Variants in CNGA1 observed in about 807,000 individuals in gnomAD.
The protein encoded by CNGA1 is cyclic nucleotide gated channel subunit alpha 1, also known as cyclic nucleotide-gated channel alpha-1.
Under a neutral mutation model 69.7 loss-of-function variants are expected in CNGA1, and 53 were observed. The observed-to-expected ratio is 0.76, with a 90% CI of 0.61 to 0.96. The LOEUF (loss-of-function observed/expected upper bound fraction) is 0.96. Ranked by LOEUF, CNGA1 falls within the 40% of genes least tolerant of loss-of-function variation. The pLI is 0.00. For synonymous variants in CNGA1, 249 were observed against 283.5 expected (o/e 0.88, Z 1.22); for missense variants, 739 against 811.2 (o/e 0.91, Z 1.08).
chr4:47,966,146 G>T (rs765970187), intron 3 of CNGA1, among the ~76,000 whole-genome samples: 6 of 152,152 alleles, frequency 3.9e-5, no homozygotes, highest in Non-Finnish European at 8.8e-5. Context: ...GGGTAATTCA[G>T]GCAAAACAAA....
chr4:47,950,739 C>A (rs1739689899), intron 5 of CNGA1, among the ~76,000 whole-genome samples: 1 of 152,174 alleles, frequency 6.6e-6, no homozygotes, highest in Admixed American at 6.5e-5. Context: ...CCACACCACA[C>A]CCCTTCTGCA....
At chr4:47,988,441 C>A (rs916964308) in intron 2 of CNGA1, among the ~76,000 whole-genome samples, 3 of 151,762 alleles carry the variant, frequency 2.0e-5, no homozygotes, top group Non-Finnish European at 2.9e-5. Context: ...ACTTAGGATT[C>A]CAAACAAGAG....
chr4:47,956,173 G>T (rs1740074725), intron 3 of CNGA1, among the ~76,000 whole-genome samples: 1 of 152,212 alleles, frequency 6.6e-6, no homozygotes, highest in Non-Finnish European at 1.5e-5. Context: ...GATTTGGAAG[G>T]TAGAAGTGAG....
intron 1 of CNGA1, among the ~76,000 whole-genome samples, chr4:48,015,780 TAG>T (rs1715351446): frequency 6.6e-6 from 1 of 152,126 alleles, no homozygotes; most frequent in Admixed American, 6.6e-5. Context: ...CTAATTTTTG[TAG>T]AGACAGGGTT....
rs1294868458 is a variant in CNGA1 at position 47,989,729 on chromosome 4, T to A, written c.-122-8229A>T. Reference sequence around the variant, plus strand: ...AGTTCTTTTGTGGTGATTTGTGAGATTTCATTGCACCCATTGCCCAAGCAG... The same window carrying A: ...AGTTCTTTTGTGGTGATTTGTGAGAATTCATTGCACCCATTGCCCAAGCAG... On this transcript the variant is annotated intron_variant, in intron 2 of 10. Transcript: ENST00000514170. 2.0e-5 allele frequency among the ~76,000 whole-genome samples: 3 copies of A among 149,272 alleles called. 1 individual carries two copies. The highest frequency in any genetic ancestry group is 7.8e-5 in the African/African-American group (3 of 38,696).
At chr4:48,000,923 C>G (rs978108004) in intron 2 of CNGA1, among the ~76,000 whole-genome samples, 2 of 152,030 alleles carry the variant, frequency 1.3e-5, no homozygotes, top group African/African-American at 4.8e-5. Context: ...CAAACAAAAA[C>G]TGGGAGAACT....
chr4:47,990,371 GA>G (rs1742204617), intron 2 of CNGA1, among the ~76,000 whole-genome samples: 1 of 152,114 alleles, frequency 6.6e-6, no homozygotes, highest in African/African-American at 2.4e-5. Flanking sequence ...ATGCGGTTGA[GA>G]TAAGGGCTGA....
In CNGA1 at chr4:47,981,432, T is replaced by C. The variant is rs1351901517; in HGVS notation, c.-54A>G. ...GTAATATAACTTTGTCTTCTAGAAG[T>C]GGACGTCACTGGTGTATCCAAACAA... On this transcript the variant is annotated 5_prime_UTR_variant, in exon 3 of 11. Transcript: ENST00000514170. The C allele has an allele frequency of 6.6e-6, 1 of 152,222 alleles. No individual in the cohort carries two copies. Among genetic ancestry groups the C allele is most frequent in the Non-Finnish European group, 1.5e-5 (1 of 68,032 alleles). 9.4% of individuals were successfully genotyped at this position (152,222 alleles called of 1,614,324 possible). A position where few individuals can be genotyped will look rare whatever the true frequency, so the allele number is the denominator to read the frequency against.
intron 2 of CNGA1, among the ~76,000 whole-genome samples, chr4:47,990,050 A>G (rs1742186405): frequency 6.7e-6 from 1 of 149,348 alleles, no homozygotes; most frequent in Non-Finnish European, 1.5e-5. Context: ...TGATTGCATT[A>G]ACGGTACAAA....
intron 6 of CNGA1, among the ~76,000 whole-genome samples, chr4:47,944,520 G>A (rs1241578798): frequency 6.6e-6 from 1 of 152,138 alleles, no homozygotes; most frequent in African/African-American, 2.4e-5. Flanking sequence ...AAAAGGTAAT[G>A]GTCCACACAA....
Position 47,949,823 on chromosome 4 carries a change from A to G in CNGA1, c.287+10T>C, listed in dbSNP as rs887754968. On this transcript the variant is annotated intron_variant, in intron 6 of 10. Transcript: ENST00000514170. ...CCAAAACTTTGGTTTTCTATTGTAAATATACTTACTGGTCCTTATTGCTGC... is the reference window on the plus strand; with the variant it reads ...CCAAAACTTTGGTTTTCTATTGTAAGTATACTTACTGGTCCTTATTGCTGC... 6 of 1,612,190 alleles carry G rather than the reference A, an allele frequency of 3.7e-6. No individual in the cohort carries two copies. The African/African-American group carries it at 6.7e-5, about 18-fold the overall frequency.
chr4:47,951,208 T>G, intron 5 of CNGA1, 145 bp downstream of exon 5: 1 of 648,712 alleles, frequency 1.5e-6, no homozygotes, highest in Non-Finnish European at 2.9e-6. Context: ...TAGTGTTTGA[T>G]TATTGGAACG....
At position 47,959,898 on chromosome 4, in the gene CNGA1, G is replaced by A. The variant is rs562121590; in HGVS notation, c.-14-7195C>T. ...TGGGATTACAGTTGTGAGCCACCAC[G>A]TCCAGCTCTAAAAGAAATTCGCGAT... On this transcript the variant is annotated intron_variant, in intron 3 of 10. Coordinates refer to ENST00000514170, the MANE Select transcript of CNGA1 (RefSeq NM_001379270.1). 3.9e-5 allele frequency among the ~76,000 whole-genome samples: 6 copies of A among 152,108 alleles called. No individual in the cohort carries two copies. In the South Asian group the frequency reaches 1.2e-3, roughly 32 times the overall value.
chr4:47,955,410 T>G (rs920538389), intron 3 of CNGA1, among the ~76,000 whole-genome samples: 9 of 152,102 alleles, frequency 5.9e-5, no homozygotes, highest in African/African-American at 2.2e-4. Flanking sequence ...CTCCAACTCC[T>G]GACCTCAGGT....
chr4:47,995,564 T>A (rs1157799519), intron 2 of CNGA1, among the ~76,000 whole-genome samples: 3 of 151,772 alleles, frequency 2.0e-5, no homozygotes, highest in African/African-American at 7.3e-5. Flanking sequence ...CATTTTTTTT[T>A]ATTTCCTTAA....
chr4:47,994,463 A>G (rs1742397986), intron 2 of CNGA1, among the ~76,000 whole-genome samples: 1 of 152,096 alleles, frequency 6.6e-6, no homozygotes, highest in African/African-American at 2.4e-5. Context: ...CTGTTGCTTT[A>G]AAGTTTGTTT....
At chr4:47,939,479 A>G (rs1738933512) in intron 10 of CNGA1, among the ~76,000 whole-genome samples, 1 of 152,168 alleles carries the variant, frequency 6.6e-6, no homozygotes, top group African/African-American at 2.4e-5. Flanking sequence ...GTGTTTTCCT[A>G]TGGTCTGTAA....
intron 9 of CNGA1, among the ~76,000 whole-genome samples, 159 bp from the exon 10 acceptor site, chr4:47,941,028 T>TGG (rs1361502151): frequency 2.0e-5 from 3 of 152,210 alleles, no homozygotes; most frequent in African/African-American, 7.2e-5. Flanking sequence ...TCTCCCGATA[T>TGG]TTTCCCTGAG....
At chr4:48,012,843 G>A (rs1228816616) in intron 1 of CNGA1, 1 of 151,822 alleles carries the variant, frequency 6.6e-6, no homozygotes, top group African/African-American at 2.4e-5. Context: ...CCAGTTGGTC[G>A]TTAATCTTAA....
Sources: gnomAD v4.1 joint callset for allele counts (sites outside exome capture counted in the v4.1 genomes callset) on GRCh38, gnomAD v4.1.1 for gene constraint, MANE v1.5 for transcripts, NCBI Gene and HGNC (gene_info 2026-07-23, HGNC 2026-07-21) for gene names.